ZNF483: variants seen among roughly 807,000 people sequenced by gnomAD.
The protein encoded by ZNF483 is zinc finger protein 483, also known as zinc finger protein HIT-10.
In ZNF483, 9 loss-of-function variants were observed where a neutral mutation model predicts 28.6. That is an observed-to-expected ratio of 0.32 (90% CI 0.19 to 0.55). The LOEUF (loss-of-function observed/expected upper bound fraction) is 0.55, where lower values mean the gene tolerates loss of function less well. ZNF483 is among the 20% of genes least tolerant of loss of function. ZNF483 has a pLI of 0.93. For missense variants in ZNF483, 675 were observed against 871.7 expected (o/e 0.77, Z 2.84); for synonymous variants, 322 against 306.2 (o/e 1.05, Z -0.54).
rs887286699 is a variant in ZNF483, at chr9:111,543,293, T to A, written c.*123T>A. On this transcript the variant is annotated 3_prime_UTR_variant, in exon 6 of 6. Coordinates refer to ENST00000309235, the MANE Select transcript of ZNF483 (RefSeq NM_133464.5). ...TTCGTAAATTGGCAGTTAGGAAAAA[T>A]ATCCTTTTGCCCATTCATCCCTCTT... The A allele has an allele frequency of 7.0e-6, 10 of 1,436,648 alleles. No individual in the cohort carries two copies. Among genetic ancestry groups the A allele is most frequent in the Non-Finnish European group, 7.3e-6 (8 of 1,102,588 alleles). The allele number at this position is 1,436,648 out of a possible 1,614,324, so 89.0% of individuals were successfully genotyped here.
In ZNF483 at chr9:111,547,611, A is replaced by C. The variant is rs1827836061; in HGVS notation, c.*4441A>C. Among the ~76,000 whole-genome samples, 1 of 152,092 alleles carries C rather than the reference A, an allele frequency of 6.6e-6. No individual in the cohort carries two copies. The highest frequency in any genetic ancestry group is 1.5e-5 in the Non-Finnish European group (1 of 67,982). The stretch of plus-strand genomic sequence containing the variant: ...TCTGTGTGGGTTGCCTTTTCATTCT[A>C]TTCCTAATGCCCTTTGAAAGAAGGT... On this transcript the variant is annotated 3_prime_UTR_variant, in exon 6 of 6. Coordinates refer to ENST00000309235, the MANE Select transcript of ZNF483 (RefSeq NM_133464.5).
downstream of ZNF483, among the ~76,000 whole-genome samples, chr9:111,560,265 G>T (rs1828234303): frequency 6.6e-6 from 1 of 152,022 alleles, no homozygotes; most frequent in Non-Finnish European, 1.5e-5. Context: ...TGGATCACGA[G>T]GTCAGGAGAT....
At chr9:111,577,943 ACTT>A (rs1210465935), downstream of ZNF483, 7 of 152,114 alleles carry the variant, frequency 4.6e-5, no homozygotes, top group African/African-American at 1.7e-4. Flanking sequence ...ATAAGAGACC[ACTT>A]TTAGTGGGGA....
chr9:111,570,101 C>A, intron 5 of ZNF483: 1 of 1,614,106 alleles, frequency 6.2e-7, no homozygotes, highest in Non-Finnish European at 8.5e-7. Context: ...CTCTAAGACC[C>A]ATTTCAGCAA....
chr9:111,530,756 A>AATAT lies in ZNF483; in HGVS notation c.413-77_413-74dup, dbSNP rs60541488. Reference sequence around the variant, plus strand: ...GTTTTTTTCCTGTTTATCACTTAGAAATATATATATATATATATATATATA... The same window carrying AATAT: ...GTTTTTTTCCTGTTTATCACTTAGAAATATATATATATATATATATATATATATA... On this transcript the variant is annotated intron_variant, in intron 2 of 5. Transcript: ENST00000309235. 440 of 70,480 alleles carry AATAT rather than the reference A, an allele frequency of 6.2e-3. 23 individuals are homozygous for AATAT. The highest frequency in any genetic ancestry group is 8.4e-3 in the Non-Finnish European group (270 of 32,008). The allele number at this position is 70,480 out of a possible 1,614,324, so 4.4% of individuals were successfully genotyped here.
intron 3 of ZNF483, among the ~76,000 whole-genome samples, chr9:111,532,972 G>T (rs1827387628): frequency 6.6e-6 from 1 of 152,118 alleles, no homozygotes; most frequent in African/African-American, 2.4e-5. Flanking sequence ...GTTTGTAATT[G>T]TGAAGTAATT....
At position 111,543,225 on chromosome 9, in the gene ZNF483, A is replaced by G; in HGVS notation, c.*55A>G. 1 of 1,534,210 alleles carries G rather than the reference A, an allele frequency of 6.5e-7. No homozygotes were observed. Among genetic ancestry groups the G allele is most frequent in the Non-Finnish European group, 8.7e-7 (1 of 1,145,492 alleles). Reference sequence around the variant, plus strand: ...TTAATTCAAATTGTCAGTTACTGAAACCCTGGGATGTAAACTTACAGTATT... The same window carrying G: ...TTAATTCAAATTGTCAGTTACTGAAGCCCTGGGATGTAAACTTACAGTATT... On this transcript the variant is annotated 3_prime_UTR_variant, in exon 6 of 6. Coordinates refer to ENST00000309235, the MANE Select transcript of ZNF483 (RefSeq NM_133464.5).
At chr9:111,555,479 T>C (rs1589285065), downstream of ZNF483, among the ~76,000 whole-genome samples, 1 of 152,130 alleles carries the variant, frequency 6.6e-6, no homozygotes, top group East Asian at 1.9e-4. Context: ...CTAAACAATA[T>C]GTGTATTAGT....
At chr9:111,576,494 C>T (rs1829060987) in exon 6 of ZNF483, 13 of 1,586,958 alleles carry the variant, frequency 8.2e-6, no homozygotes, top group Non-Finnish European at 1.1e-5. Context: ...GTTCAAGAGG[C>T]TCTGGTTCGG....
chr9:111,548,336 A>C lies in ZNF483; in HGVS notation c.*5166A>C, dbSNP rs956362866. On this transcript the variant is annotated 3_prime_UTR_variant, in exon 6 of 6. Transcript: ENST00000309235. ...TTTAATTTTTTCAGCAATGTGTTAC[A>C]GTTGTCATTGTACAAGTCTTTTGCC... Among the ~76,000 whole-genome samples the C allele has an allele frequency of 6.6e-6, 1 of 152,152 alleles. No individual in the cohort carries two copies. Among genetic ancestry groups the C allele is most frequent in the Admixed American group, 6.5e-5 (1 of 15,272 alleles).
chr9:111,537,569 A>G (rs1827545140), intron 5 of ZNF483, among the ~76,000 whole-genome samples: 1 of 152,028 alleles, frequency 6.6e-6, no homozygotes, highest in African/African-American at 2.4e-5. Flanking sequence ...TGCAATACCA[A>G]CAAGAGGTGC....
At position 111,573,710 on chromosome 9, in the gene ZNF483, G is replaced by C. The variant is rs570177121; in HGVS notation, c.722-2655G>C. Among the ~76,000 whole-genome samples, 202 of 152,250 alleles carry C rather than the reference G, an allele frequency of 1.3e-3. 1 individual carries two copies. The highest frequency in any genetic ancestry group is 4.8e-3 in the African/African-American group (200 of 41,538). On this transcript the variant is annotated intron_variant, in intron 5 of 5. Coordinates refer to the ZNF483 transcript ENST00000358151. Reference sequence around the variant, plus strand: ...GAGTCTGTTGCCAATAGGAGTTAAAGAGTCTCTGGTCCTCTTGGCCATTCC... The same window carrying C: ...GAGTCTGTTGCCAATAGGAGTTAAACAGTCTCTGGTCCTCTTGGCCATTCC...
intron 5 of ZNF483, chr9:111,569,877 A>G (rs1293553440): frequency 1.5e-6 from 1 of 685,928 alleles, no homozygotes; most frequent in Admixed American, 3.0e-5. Flanking sequence ...ATGGACCTGC[A>G]TTTGCAGTGG....
In ZNF483 at chr9:111,566,416, G is replaced by C. The variant is rs181624788; in HGVS notation, c.722-9949G>C. ...CACTGCAAGTGCTATACTGGGAAGA[G>C]TGCCAAGCTCCAGTGGCTGCTGGAG... On this transcript the variant is annotated intron_variant, in intron 5 of 5. Transcript: ENST00000358151. Among the ~76,000 whole-genome samples the C allele has an allele frequency of 7.2e-5, 11 of 152,334 alleles. No homozygotes were observed. In the South Asian group the frequency reaches 1.9e-3, roughly 26 times the overall value.
chr9:111,569,911 T>C, intron 5 of ZNF483: 1 of 1,018,782 alleles, frequency 9.8e-7, no homozygotes, highest in Non-Finnish European at 1.4e-6. Flanking sequence ...AGAGGGTTGT[T>C]TTGTTTTCCT....
At chr9:111,558,029 C>T (rs1283349567), downstream of ZNF483, among the ~76,000 whole-genome samples, 1 of 152,118 alleles carries the variant, frequency 6.6e-6, no homozygotes, top group Admixed American at 6.5e-5. Context: ...CGCCTGTAGT[C>T]CCAGCTACTC....
At chr9:111,536,965 C>G (rs1564594729) in intron 5 of ZNF483, among the ~76,000 whole-genome samples, 2 of 152,136 alleles carry the variant, frequency 1.3e-5, no homozygotes, top group Non-Finnish European at 2.9e-5. Context: ...CAGACAATTG[C>G]AGCTGCAGAC....
intron 5 of ZNF483, chr9:111,574,722 T>C (rs1263170946): frequency 1.4e-5 from 23 of 1,593,994 alleles, no homozygotes; most frequent in South Asian, 2.2e-5. Context: ...ATCGTGTGCA[T>C]GTGCTCATTA....
At chr9:111,532,294 G>A (rs569440493) in intron 3 of ZNF483, among the ~76,000 whole-genome samples, 10 of 152,242 alleles carry the variant, frequency 6.6e-5, no homozygotes, top group African/African-American at 2.2e-4. Flanking sequence ...TTACGCCACC[G>A]TACTCCAGCC....
Sources: allele counts gnomAD v4.1 joint callset (sites outside exome capture counted in the v4.1 genomes callset), GRCh38; gene constraint gnomAD v4.1.1; transcripts MANE v1.5; gene names NCBI Gene and HGNC (gene_info 2026-07-23, HGNC 2026-07-21).